Variants in IDE observed in about 807,000 individuals in gnomAD.
IDE encodes insulin degrading enzyme.
In IDE, 58 loss-of-function variants were observed where a neutral mutation model predicts 133.2. The ratio of observed to expected loss-of-function variants is 0.44; its 90% CI spans 0.35 to 0.54. The LOEUF (loss-of-function observed/expected upper bound fraction) is 0.54, where lower values mean the gene tolerates loss of function less well. IDE is among the 20% of genes least tolerant of loss of function. The pLI is 0.00. For missense variants in IDE, 981 were observed against 1,234.0 expected, an observed-to-expected ratio of 0.79 and a Z score of 3.07; for synonymous variants, 396 against 421.3, an observed-to-expected ratio of 0.94 and a Z score of 0.73.
chr10:92,547,625 T>C (rs1322074886), intron 1 of IDE, among the ~76,000 whole-genome samples: 2 of 152,132 alleles, frequency 1.3e-5, no homozygotes, highest in Non-Finnish European at 2.9e-5. Flanking sequence ...GCATTTCTGA[T>C]TTTGAATTTT....
At chr10:92,497,351 T>A (rs934304842) in intron 11 of IDE, among the ~76,000 whole-genome samples, 15 of 152,212 alleles carry the variant, frequency 9.9e-5, no homozygotes, top group African/African-American at 3.4e-4. Flanking sequence ...TGAAACTGGC[T>A]ACCTTGGTAT....
chr10:92,457,312 A>G (rs1439475326), intron 22 of IDE, among the ~76,000 whole-genome samples: 1 of 152,188 alleles, frequency 6.6e-6, no homozygotes, highest in Non-Finnish European at 1.5e-5. Flanking sequence ...CCTGCGTTAT[A>G]TCAGGCACTC....
intron 19 of IDE, 57 bp from the exon 20 acceptor site, chr10:92,465,900 A>G (rs914532893): frequency 7.0e-7 from 1 of 1,429,196 alleles, no homozygotes; most frequent in Non-Finnish European, 9.8e-7. Context: ...GGTTTAATAA[A>G]GTCAATGCTA....
rs193091061 is a variant in IDE, at chr10:92,482,864, G to A, written c.1739+391C>T. Among the ~76,000 whole-genome samples, 125 of 151,528 alleles carry A rather than the reference G, an allele frequency of 8.2e-4. 1 individual carries two copies. Among genetic ancestry groups the A allele is most frequent in the African/African-American group, 2.8e-3 (117 of 41,316 alleles). The stretch of plus-strand genomic sequence containing the variant: ...TCTGTCGCCCAGGCTGGAGTGCAGC[G>A]GTGCGATCTCAGCTGACTGCATCCT... On this transcript the variant is annotated intron_variant, in intron 14 of 24. Coordinates refer to ENST00000265986, the MANE Select transcript of IDE (RefSeq NM_004969.4).
intron 1 of IDE, among the ~76,000 whole-genome samples, chr10:92,566,385 T>C (rs1843546326): frequency 7.2e-6 from 1 of 138,868 alleles, no homozygotes; most frequent in South Asian, 2.2e-4. Flanking sequence ...AGAGTCAGAC[T>C]CTATCTCTCT....
chr10:92,463,662 T>G, intron 21 of IDE, 69 bp downstream of exon 21: 6 of 1,384,298 alleles, frequency 4.3e-6, no homozygotes, highest in Non-Finnish European at 6.1e-6. Context: ...ATGAATACCA[T>G]TTTGTAGAAT....
intron 5 of IDE, among the ~76,000 whole-genome samples, chr10:92,514,506 ACAGCCTTTAACTG>A (rs1474471765): frequency 6.6e-5 from 10 of 151,788 alleles, no homozygotes; most frequent in African/African-American, 2.4e-4. Context: ...TGTGGTGATC[ACAGCCTTTAACTG>A]CAGCCTTTAA....
At chr10:92,489,134 G>A (rs1589411250) in intron 12 of IDE, among the ~76,000 whole-genome samples, 2 of 152,012 alleles carry the variant, frequency 1.3e-5, no homozygotes, top group Admixed American at 6.6e-5. Context: ...TGTGACTTTC[G>A]GCACTGGGGA....
At chr10:92,516,819 G>A (rs935244032) in intron 4 of IDE, among the ~76,000 whole-genome samples, 2 of 152,206 alleles carry the variant, frequency 1.3e-5, no homozygotes, top group African/African-American at 4.8e-5. Context: ...TGTATGTAGT[G>A]TACCACTAAC....
intron 1 of IDE, among the ~76,000 whole-genome samples, chr10:92,567,720 T>A (rs1288559804): frequency 1.3e-5 from 2 of 152,206 alleles, no homozygotes; most frequent in Admixed American, 1.3e-4. Context: ...ATGCCTGTAA[T>A]CACAGCACTT....
At chr10:92,477,932 G>GA (rs1846368387) in intron 15 of IDE, among the ~76,000 whole-genome samples, 2 of 152,014 alleles carry the variant, frequency 1.3e-5, no homozygotes, top group African/African-American at 4.8e-5. Context: ...AAAGTCACTG[G>GA]AAAATAAATA....
At chr10:92,553,101 A>G (rs1266312357) in intron 1 of IDE, among the ~76,000 whole-genome samples, 1 of 151,940 alleles carries the variant, frequency 6.6e-6, no homozygotes, top group Non-Finnish European at 1.5e-5. Context: ...AGATAAATGT[A>G]TGTTCATAGC....
At chr10:92,521,690 AAAT>A (rs754219580) in intron 4 of IDE, among the ~76,000 whole-genome samples, 2 of 151,412 alleles carry the variant, frequency 1.3e-5, no homozygotes, top group Non-Finnish European at 2.9e-5. Flanking sequence ...ACAAAAATTA[AAAT>A]AATAATAATA....
chr10:92,484,177 C>A (rs1015756876), intron 13 of IDE, among the ~76,000 whole-genome samples: 1 of 152,120 alleles, frequency 6.6e-6, no homozygotes, highest in African/African-American at 2.4e-5. Context: ...CTTTGGGATG[C>A]CGAGGTGGGT....
intron 4 of IDE, among the ~76,000 whole-genome samples, chr10:92,519,404 C>A (rs1849097750): frequency 6.6e-6 from 1 of 152,188 alleles, no homozygotes; most frequent in Non-Finnish European, 1.5e-5. Context: ...AATCTTGAAT[C>A]CTACCTTTCT....
rs558973736 is a variant in IDE, at chr10:92,568,338, C to T, written c.98+5584G>A. Reference sequence around the variant, plus strand: ...TGCATGACTGCCATTCAGCAGTGAACTCATACATCTTTATGAATGATGTTA... The same window carrying T: ...TGCATGACTGCCATTCAGCAGTGAATTCATACATCTTTATGAATGATGTTA... On this transcript the variant is annotated intron_variant, in intron 1 of 24. Transcript: ENST00000265986. 7.9e-5 allele frequency among the ~76,000 whole-genome samples: 12 copies of T among 152,154 alleles called. No homozygotes were observed. In the South Asian group the frequency reaches 2.3e-3, roughly 29 times the overall value.
chr10:92,483,299 A>G lies in IDE; in HGVS notation c.1695T>C (p.Asp565=), dbSNP rs144955362. Residue 565 remains aspartate (D), a synonymous_variant, in exon 14 of 25, where the codon GAT becomes GAC. Coordinates refer to ENST00000265986, the MANE Select transcript of IDE (RefSeq NM_004969.4). ...AMSKLWFKQD[D]KFFLPKACLN... ...GACAAGCCTTCGGCAAAAAAAACTT[A>G]TCATCTTGTTTGAACCAAAGTTTGC... 1.1e-5 allele frequency: 18 copies of G among 1,611,320 alleles called. No homozygotes were observed. In the African/African-American group the frequency reaches 1.5e-4, roughly 13 times the overall value.
chr10:92,501,363 A>T (rs1433554508), intron 11 of IDE, among the ~76,000 whole-genome samples: 38 of 36,908 alleles, frequency 1.0e-3, no homozygotes, highest in African/African-American at 2.6e-3. Flanking sequence ...CTCTGTCATT[A>T]AAAAAAAAAA....
At chr10:92,542,565 C>G (rs997477693) in intron 1 of IDE, among the ~76,000 whole-genome samples, 6 of 152,212 alleles carry the variant, frequency 3.9e-5, no homozygotes, top group Non-Finnish European at 8.8e-5. Context: ...GCTGGGATTA[C>G]AGGCATGAGA....
Sources: allele counts gnomAD v4.1 joint callset (sites outside exome capture counted in the v4.1 genomes callset), GRCh38; gene constraint gnomAD v4.1.1; transcripts MANE v1.5; gene names NCBI Gene and HGNC (gene_info 2026-07-23, HGNC 2026-07-21).